Variants in SH3RF3 observed in about 807,000 individuals in gnomAD.
The protein encoded by SH3RF3 is SH3 domain containing ring finger 3.
Under a neutral mutation model 66.3 loss-of-function variants are expected in SH3RF3, and 29 were observed. The ratio of observed to expected loss-of-function variants is 0.44; its 90% CI spans 0.33 to 0.60. SH3RF3 has a LOEUF of 0.60. Among genes scored for constraint, SH3RF3 ranks in the 20% least tolerant of loss-of-function variants. The pLI, the probability that SH3RF3 is intolerant of heterozygous loss-of-function variation, is 0.04. For missense variants in SH3RF3, 1,194 were observed against 1,190.9 expected (o/e 1.00, Z -0.04); for synonymous variants, 583 against 532.0 (o/e 1.10, Z -1.32).
chr2:109,201,647 G>A (rs1157132111), intron 1 of SH3RF3, among the ~76,000 whole-genome samples: 1 of 152,208 alleles, frequency 6.6e-6, no homozygotes, highest in Non-Finnish European at 1.5e-5. Context: ...GGACGTTTGT[G>A]TCAGGAGGCA....
chr2:109,324,686 A>G (rs1368825627), intron 1 of SH3RF3, among the ~76,000 whole-genome samples: 3 of 151,970 alleles, frequency 2.0e-5, no homozygotes, highest in Non-Finnish European at 4.4e-5. Flanking sequence ...CTGGATCCCA[A>G]AGCTGTGGAT....
intron 1 of SH3RF3, among the ~76,000 whole-genome samples, chr2:109,322,149 G>A (rs1449039169): frequency 6.6e-6 from 1 of 152,178 alleles, no homozygotes; most frequent in Non-Finnish European, 1.5e-5. Flanking sequence ...GGGGGAGGAA[G>A]AGAGAGACAA....
chr2:109,445,294 A>C (rs1316798462), intron 7 of SH3RF3, among the ~76,000 whole-genome samples: 1 of 152,224 alleles, frequency 6.6e-6, no homozygotes. Context: ...GAATTCTCCA[A>C]AATTGAAGAG....
rs1194576873 is a variant in SH3RF3 at position 109,485,843 on chromosome 2, GAGCCAGGGCTGC to G, written c.2149-4758_2149-4747del. On this transcript the variant is annotated intron_variant, in intron 8 of 9. Coordinates refer to ENST00000309415, the MANE Select transcript of SH3RF3 (RefSeq NM_001099289.3). ...GGATGCTTTCACACCTAGATCTTGA[GAGCCAGGGCTGC>G]AGCACAGCCTCATCGCAAGCCTCCA... is the stretch of plus-strand genomic sequence containing the variant. Among the ~76,000 whole-genome samples the G allele has an allele frequency of 1.8e-4, 27 of 152,376 alleles. No homozygotes were observed. The East Asian group carries it at 5.2e-3, about 29-fold the overall frequency.
chr2:109,364,524 G>A (rs1683120343), intron 2 of SH3RF3, among the ~76,000 whole-genome samples: 1 of 152,162 alleles, frequency 6.6e-6, no homozygotes, highest in South Asian at 2.1e-4. Context: ...TTGCCTTTCA[G>A]TATGTACTGT....
intron 1 of SH3RF3, among the ~76,000 whole-genome samples, chr2:109,168,530 T>A (rs1415960518): frequency 6.6e-6 from 1 of 152,212 alleles, no homozygotes; most frequent in Non-Finnish European, 1.5e-5. Flanking sequence ...TTCTGCAACA[T>A]CTTCTTACAC....
chr2:109,297,111 G>A (rs1424755724), intron 1 of SH3RF3, among the ~76,000 whole-genome samples: 2 of 151,920 alleles, frequency 1.3e-5, no homozygotes, highest in Admixed American at 6.6e-5. Flanking sequence ...AGCCCAATAC[G>A]GCTCCACAGA....
At chr2:109,341,290 ACTT>A (rs1207826741) in intron 1 of SH3RF3, among the ~76,000 whole-genome samples, 3 of 152,192 alleles carry the variant, frequency 2.0e-5, no homozygotes, top group African/African-American at 7.2e-5. Context: ...ACAGTAACAA[ACTT>A]CTTCATCGCG....
intron 7 of SH3RF3, among the ~76,000 whole-genome samples, chr2:109,446,842 C>A (rs2104623301): frequency 6.6e-6 from 1 of 152,212 alleles, no homozygotes; most frequent in Middle Eastern, 3.4e-3. Flanking sequence ...TAGAGGCCAG[C>A]CACGCACAGC....
chr2:109,398,814 A>T lies in SH3RF3; in HGVS notation c.1170A>T (p.Arg390Ser). 6.2e-7 allele frequency: 1 copy of T among 1,613,792 alleles called. No individual in the cohort carries two copies. Residue 390 changes from arginine to serine, a missense_variant, in exon 4 of 10, where the codon AGA becomes AGT. Arg to Ser is a moderately radical substitution (Grantham distance 110, BLOSUM62 -1). Coordinates refer to ENST00000309415, the MANE Select transcript of SH3RF3 (RefSeq NM_001099289.3). The part of the protein sequence containing the change: ...HSFTALSVTH[R>S]SSQAASHRHS... Reference sequence around the variant, plus strand: ...TCACCGCGCTCAGTGTGACGCACAGATCCTCCCAGGCTGCCAGCCACAGGC... The same window carrying T: ...TCACCGCGCTCAGTGTGACGCACAGTTCCTCCCAGGCTGCCAGCCACAGGC...
intron 5 of SH3RF3, among the ~76,000 whole-genome samples, chr2:109,429,982 C>G (rs1477745348): frequency 6.6e-6 from 1 of 152,222 alleles, no homozygotes; most frequent in Non-Finnish European, 1.5e-5. Flanking sequence ...ACAGCCCACC[C>G]CACACAGGCC....
chr2:109,398,910 C>A lies in SH3RF3; in HGVS notation c.1266C>A (p.Asp422Glu), dbSNP rs1676228925. The A allele has an allele frequency of 6.2e-7, 1 of 1,613,396 alleles. No homozygotes were observed. Among genetic ancestry groups the A allele is most frequent in the Non-Finnish European group, 8.5e-7 (1 of 1,179,886 alleles). ...CCCGAGCCGCGGCCAGGATTGGAGA[C>A]CTTGCTCATCTGTCGTGCGCTGCTC... The part of the protein sequence containing the change: ...SDPRAAARIG[D>E]LAHLSCAAPT... The change falls in exon 4 of 10, where the codon GAC (aspartate) becomes GAA (glutamate). Residue 422 changes from aspartate (D) to glutamate (E), a missense_variant. Transcript: ENST00000309415.
At chr2:109,351,212 G>T (rs1195451698) in intron 2 of SH3RF3, among the ~76,000 whole-genome samples, 1 of 152,330 alleles carries the variant, frequency 6.6e-6, no homozygotes, top group East Asian at 1.9e-4. Flanking sequence ...GGTTTCTGAG[G>T]AGCCTCCACA....
chr2:109,366,526 A>T lies in SH3RF3; in HGVS notation c.850-5060A>T, dbSNP rs1683155192. On this transcript the variant is annotated intron_variant, in intron 2 of 9. Coordinates refer to ENST00000309415, the MANE Select transcript of SH3RF3 (RefSeq NM_001099289.3). ...TATACATATATACATACTTGAGGAG[A>T]ATATCTCTGTACTTCTCTAAGGCTA... Among the ~76,000 whole-genome samples, 3 of 152,206 alleles carry T rather than the reference A, an allele frequency of 2.0e-5. No homozygotes were observed. In the South Asian group the frequency reaches 6.2e-4, roughly 32 times the overall value.
intron 8 of SH3RF3, among the ~76,000 whole-genome samples, chr2:109,488,608 T>C (rs958463903): frequency 6.6e-6 from 1 of 152,166 alleles, no homozygotes; most frequent in Admixed American, 6.5e-5. Context: ...CACGGTTTCT[T>C]CTTTTCCTTT....
rs1215545486 is a variant in SH3RF3 at position 109,129,224 on chromosome 2, G to C, written c.-317G>C. The C allele has an allele frequency of 1.8e-6, 1 of 544,270 alleles. No homozygotes were observed. The highest frequency in any genetic ancestry group is 3.4e-6 in the Non-Finnish European group (1 of 297,298). The allele number at this position is 544,270 out of a possible 1,614,324, so 33.7% of individuals were successfully genotyped here. A position where few individuals can be genotyped will look rare whatever the true frequency, so the allele number is the denominator to read the frequency against. Reference sequence around the variant, plus strand: ...TGCAGCACAGAACCCGTTGAGCTTCGTGCCCGGCAGCACCCCCGGTCCCCC... The same window carrying C: ...TGCAGCACAGAACCCGTTGAGCTTCCTGCCCGGCAGCACCCCCGGTCCCCC... On this transcript the variant is annotated 5_prime_UTR_variant, in exon 1 of 10. Coordinates refer to ENST00000309415, the MANE Select transcript of SH3RF3 (RefSeq NM_001099289.3).
intron 8 of SH3RF3, among the ~76,000 whole-genome samples, chr2:109,456,812 T>C (rs1463314963): frequency 6.6e-6 from 1 of 152,204 alleles, no homozygotes; most frequent in Non-Finnish European, 1.5e-5. Flanking sequence ...GGCTCCATGG[T>C]ACCCACAAGT....
intron 1 of SH3RF3, among the ~76,000 whole-genome samples, chr2:109,282,755 A>G (rs1161555282): frequency 1.3e-5 from 2 of 152,184 alleles, no homozygotes; most frequent in African/African-American, 4.8e-5. Context: ...CAGAACGGCC[A>G]AAGGAGAAAG....
chr2:109,184,825 A>C (rs1474768709), intron 1 of SH3RF3, among the ~76,000 whole-genome samples: 1 of 152,266 alleles, frequency 6.6e-6, no homozygotes, highest in Non-Finnish European at 1.5e-5. Flanking sequence ...CCAATGAGGC[A>C]GTTACGTGGT....
Sources: allele counts gnomAD v4.1 joint callset (sites outside exome capture counted in the v4.1 genomes callset), GRCh38; gene constraint gnomAD v4.1.1; transcripts MANE v1.5; gene names NCBI Gene and HGNC (gene_info 2026-07-23, HGNC 2026-07-21).